Variants in RPTOR observed in about 807,000 individuals in gnomAD.
The protein encoded by RPTOR is regulatory associated protein of MTOR complex 1.
In RPTOR, 21 loss-of-function variants were observed where a neutral mutation model predicts 169.9. The ratio of observed to expected loss-of-function variants is 0.12; its 90% CI spans 0.09 to 0.18. RPTOR has a LOEUF of 0.18. RPTOR is among the 10% of genes least tolerant of loss of function. The pLI, the probability that RPTOR is intolerant of heterozygous loss-of-function variation, is 1.00. For missense variants in RPTOR, 1,133 were observed against 1,855.9 expected (o/e 0.61, Z 7.16); for synonymous variants, 732 against 753.2 (o/e 0.97, Z 0.46).
At chr17:80,709,161 C>G in intron 4 of RPTOR, 1 of 829,490 alleles carries the variant, frequency 1.2e-6, no homozygotes, top group Non-Finnish European at 1.5e-6. Flanking sequence ...TGCCATCTCT[C>G]CCCGTGTGTA....
At chr17:80,742,572 A>C (rs566270097) in intron 5 of RPTOR, among the ~76,000 whole-genome samples, 4 of 142,190 alleles carry the variant, frequency 2.8e-5, no homozygotes, top group South Asian at 2.2e-4. Flanking sequence ...ATGTATGCAC[A>C]CACATAGACA....
chr17:80,586,133 G>A (rs1245957326), intron 1 of RPTOR, among the ~76,000 whole-genome samples: 3 of 151,992 alleles, frequency 2.0e-5, no homozygotes, highest in Non-Finnish European at 2.9e-5. Flanking sequence ...TCAATCCCCC[G>A]TTTCTGGCAT....
In RPTOR at chr17:80,822,698, C is replaced by T. The variant is rs1598330514; in HGVS notation, c.992-381C>T. 2.0e-5 allele frequency among the ~76,000 whole-genome samples: 3 copies of T among 152,158 alleles called. No individual in the cohort carries two copies. The East Asian group carries it at 5.8e-4, about 29-fold the overall frequency. Reference sequence around the variant, plus strand: ...GTTTGTTCACATGTACGTATATGTGCACTGTGTGTGTACATGTGTACATGT... The same window carrying T: ...GTTTGTTCACATGTACGTATATGTGTACTGTGTGTGTACATGTGTACATGT... On this transcript the variant is annotated intron_variant, in intron 8 of 33. Coordinates refer to ENST00000306801, the MANE Select transcript of RPTOR (RefSeq NM_020761.3).
intron 3 of RPTOR, among the ~76,000 whole-genome samples, chr17:80,665,451 T>C (rs2065764818): frequency 4.0e-5 from 1 of 25,038 alleles, no homozygotes; most frequent in African/African-American, 4.2e-4. Context: ...TCCTTTCCTT[T>C]CCTTTCCTTT....
At chr17:80,791,340 C>T (rs765493348) in intron 6 of RPTOR, 110 bp from the exon 7 acceptor site, 19 of 812,170 alleles carry the variant, frequency 2.3e-5, no homozygotes, top group Middle Eastern at 2.4e-4. Context: ...ACTTGTTCAC[C>T]GTGGTAGTCC....
intron 20 of RPTOR, among the ~76,000 whole-genome samples, chr17:80,902,343 C>T (rs1350051223): frequency 1.3e-5 from 2 of 152,242 alleles, no homozygotes; most frequent in African/African-American, 4.8e-5. Context: ...GCAGCCGCTC[C>T]ACTGCACCTG....
At chr17:80,806,035 C>T (rs1206177883) in intron 7 of RPTOR, among the ~76,000 whole-genome samples, 2 of 152,148 alleles carry the variant, frequency 1.3e-5, no homozygotes, top group Non-Finnish European at 2.9e-5. Flanking sequence ...GAGATGGCAG[C>T]ACTGTGCATA....
chr17:80,624,017 T>C (rs1245697736), intron 1 of RPTOR, among the ~76,000 whole-genome samples: 9 of 152,190 alleles, frequency 5.9e-5, no homozygotes, highest in Admixed American at 5.9e-4. Flanking sequence ...CAAGTGGTGC[T>C]CCTGCCTCAG....
At chr17:80,623,363 A>G (rs370790845) in intron 1 of RPTOR, among the ~76,000 whole-genome samples, 27 of 152,352 alleles carry the variant, frequency 1.8e-4, no homozygotes, top group Admixed American at 7.2e-4. Flanking sequence ...GCAATTATCA[A>G]TAAGAAACTG....
intron 6 of RPTOR, among the ~76,000 whole-genome samples, chr17:80,769,948 A>G (rs4380096): frequency 0.29 from 43,770 of 151,142 alleles, 7,452 homozygotes; most frequent in East Asian, 0.52. Flanking sequence ...CTGCAGAGCC[A>G]GTCACACGGG....
chr17:80,961,697 G>A (rs111860599), intron 31 of RPTOR: 145 of 562,456 alleles, frequency 2.6e-4, no homozygotes, highest in African/African-American at 2.0e-3. Flanking sequence ...ACCTGCAGGC[G>A]CTTTGGGAAC....
chr17:80,591,243 TCTC>T (rs1230623704), intron 1 of RPTOR, among the ~76,000 whole-genome samples: 1 of 78,638 alleles, frequency 1.3e-5, no homozygotes, highest in Non-Finnish European at 2.6e-5. Context: ...TCTCCTCCCC[TCTC>T]CTCCCCTCTC....
intron 6 of RPTOR, among the ~76,000 whole-genome samples, chr17:80,791,089 C>G (rs2067043049): frequency 1.3e-5 from 2 of 151,752 alleles, no homozygotes; most frequent in Non-Finnish European, 3.0e-5. Flanking sequence ...CCCCAGCTCA[C>G]TTCCTTAAGA....
At chr17:80,810,195 CTT>C (rs767650296) in intron 7 of RPTOR, among the ~76,000 whole-genome samples, 39 of 152,070 alleles carry the variant, frequency 2.6e-4, no homozygotes, top group Non-Finnish European at 5.1e-4. Context: ...CCTAAGAAAT[CTT>C]TGCCAACCCT....
At chr17:80,710,416 G>T (rs2066178530) in intron 4 of RPTOR, among the ~76,000 whole-genome samples, 1 of 152,192 alleles carries the variant, frequency 6.6e-6, no homozygotes, top group Non-Finnish European at 1.5e-5. Context: ...TGTCCTCGCA[G>T]AGGGAGAGTT....
chr17:80,555,569 C>G (rs537128717), intron 1 of RPTOR, among the ~76,000 whole-genome samples: 3 of 152,180 alleles, frequency 2.0e-5, no homozygotes, highest in Non-Finnish European at 4.4e-5. Context: ...GCGCTGCTGC[C>G]TAGACAGACT....
chr17:80,599,804 G>C (rs2065172167), intron 1 of RPTOR, among the ~76,000 whole-genome samples: 1 of 152,204 alleles, frequency 6.6e-6, no homozygotes, highest in Admixed American at 6.5e-5. Flanking sequence ...CCCTTGTTAG[G>C]TGGTGGTGGG....
chr17:80,809,843 C>A (rs568728384), intron 7 of RPTOR, among the ~76,000 whole-genome samples: 7 of 152,068 alleles, frequency 4.6e-5, no homozygotes, highest in South Asian at 2.1e-4. Context: ...TCGAGACCAT[C>A]CTAGCTAACA....
intron 5 of RPTOR, among the ~76,000 whole-genome samples, chr17:80,748,501 A>G (rs149989369): frequency 0.018 from 1,686 of 95,224 alleles, 145 homozygotes; most frequent in Middle Eastern, 0.029. Flanking sequence ...GGCCTGTTGG[A>G]TGGAGGGACT....
Sources: gnomAD v4.1 joint callset for allele counts (sites outside exome capture counted in the v4.1 genomes callset) on GRCh38, gnomAD v4.1.1 for gene constraint, MANE v1.5 for transcripts, NCBI Gene and HGNC (gene_info 2026-07-23, HGNC 2026-07-21) for gene names.